Variants in NEO1 observed in about 807,000 individuals in gnomAD.
The protein encoded by NEO1 is neogenin.
A neutral mutation model predicts 159.7 loss-of-function variants in NEO1; 63 were observed. That is an observed-to-expected ratio of 0.39 (90% CI 0.32 to 0.49). NEO1 has a LOEUF of 0.49. NEO1 is among the 20% of genes least tolerant of loss of function. The probability of loss-of-function intolerance (pLI) is 0.85; values close to 1 mark genes in which losing one functional copy is unlikely to be tolerated. For missense variants in NEO1, 1,615 were observed against 1,831.0 expected (o/e 0.88, Z 2.15); for synonymous variants, 633 against 662.0 (o/e 0.96, Z 0.67).
chr15:73,108,631 A>T (rs975561478), intron 1 of NEO1, among the ~76,000 whole-genome samples: 13 of 152,208 alleles, frequency 8.5e-5, no homozygotes, highest in African/African-American at 3.1e-4. Flanking sequence ...TAGCCTGCTC[A>T]TGGGAAGATA....
At chr15:73,072,073 C>G (rs2068563164) in intron 1 of NEO1, among the ~76,000 whole-genome samples, 1 of 152,110 alleles carries the variant, frequency 6.6e-6, no homozygotes, top group South Asian at 2.1e-4. Flanking sequence ...GCCTCAGCCT[C>G]CTGAGTAGTT....
At chr15:73,289,037 A>T in intron 24 of NEO1, 109 bp from the exon 25 acceptor site, 1 of 777,848 alleles carries the variant, frequency 1.3e-6, no homozygotes, top group South Asian at 1.5e-5. Context: ...TCTTGTCCCC[A>T]TTATGCTGTT....
chr15:73,148,777 G>A (rs1158564529), intron 5 of NEO1, among the ~76,000 whole-genome samples: 1 of 151,224 alleles, frequency 6.6e-6, no homozygotes, highest in African/African-American at 2.4e-5. Context: ...CTATTGTAAT[G>A]ATAACCAAGA....
chr15:73,130,704 T>C (rs117841056), intron 4 of NEO1, among the ~76,000 whole-genome samples: 3,772 of 152,250 alleles, frequency 0.025, 78 homozygotes, highest in Non-Finnish European at 0.039. Context: ...GCCCCTCCCA[T>C]GTAAGTAGAG....
chr15:73,053,034 G>T (rs2067532352), intron 1 of NEO1, among the ~76,000 whole-genome samples: 1 of 152,008 alleles, frequency 6.6e-6, no homozygotes, highest in East Asian at 2.0e-4. Context: ...GGGCGCAGGG[G>T]TCTAGTTCCC....
At position 73,052,589 on chromosome 15, in the gene NEO1, G is replaced by A; in HGVS notation, c.-87G>A. On this transcript the variant is annotated 5_prime_UTR_variant, in exon 1 of 29. Transcript: ENST00000261908. ...CGGCCGCGGGAGCCGAGCTTGCAGC[G>A]AGGGACCGGCTGAGGCGCGCGGGAG... 1.2e-6 allele frequency: 1 copy of A among 859,534 alleles called. No individual in the cohort carries two copies. The allele number at this position is 859,534 out of a possible 1,614,324, so 53.2% of individuals were successfully genotyped here. A position where few individuals can be genotyped will look rare whatever the true frequency, so the allele number is the denominator to read the frequency against.
chr15:73,195,302 T>G (rs2036476381), intron 7 of NEO1, among the ~76,000 whole-genome samples: 1 of 152,214 alleles, frequency 6.6e-6, no homozygotes, highest in Non-Finnish European at 1.5e-5. Flanking sequence ...TAAAAGATGC[T>G]AAATTATACA....
At chr15:73,242,694 A>G (rs148624618) in intron 8 of NEO1, among the ~76,000 whole-genome samples, 2 of 152,270 alleles carry the variant, frequency 1.3e-5, no homozygotes, top group East Asian at 3.9e-4. Context: ...AAAAAATCTT[A>G]AGAGAAACTA....
intron 16 of NEO1, 42 bp from the exon 17 acceptor site, chr15:73,269,968 C>T: frequency 6.8e-7 from 1 of 1,465,160 alleles, no homozygotes; most frequent in Non-Finnish European, 9.5e-7. Context: ...TTTTTGTTTA[C>T]ATTAAAATGC....
intron 7 of NEO1, among the ~76,000 whole-genome samples, chr15:73,206,486 G>C (rs943462680): frequency 2.6e-5 from 4 of 152,108 alleles, no homozygotes; most frequent in African/African-American, 9.7e-5. Context: ...TGGGGAAGGA[G>C]GTTTAAGGTT....
Position 73,238,913 on chromosome 15 carries a change from A to G in NEO1, c.1451+2407A>G, listed in dbSNP as rs142825868. The stretch of plus-strand genomic sequence containing the variant: ...ACCCAGGCTGGAGTGCAGTGGCACT[A>G]TATTGGCTCACTGCAGCCTCCGCTT... On this transcript the variant is annotated intron_variant, in intron 8 of 28. Transcript: ENST00000261908. 2.5e-3 allele frequency among the ~76,000 whole-genome samples: 376 copies of G among 152,264 alleles called. 4 individuals carry two copies. Among genetic ancestry groups the G allele is most frequent in the African/African-American group, 8.6e-3 (359 of 41,548 alleles).
chr15:73,070,384 T>C (rs913109651), intron 1 of NEO1, among the ~76,000 whole-genome samples: 1 of 152,212 alleles, frequency 6.6e-6, no homozygotes, highest in African/African-American at 2.4e-5. Context: ...TTTAATTACA[T>C]GAAACAAATG....
At chr15:73,183,081 T>C (rs2151976554) in intron 7 of NEO1, among the ~76,000 whole-genome samples, 1 of 152,300 alleles carries the variant, frequency 6.6e-6, no homozygotes, top group Admixed American at 6.5e-5. Flanking sequence ...TTACACTTTC[T>C]TGCAAACACT....
intron 7 of NEO1, among the ~76,000 whole-genome samples, chr15:73,225,348 C>T (rs1028153171): frequency 2.6e-5 from 4 of 151,944 alleles, no homozygotes; most frequent in East Asian, 1.9e-4. Flanking sequence ...ACCAGAGGTG[C>T]GCGGGGTCCT....
At chr15:73,239,843 G>GT (rs957313607) in intron 8 of NEO1, among the ~76,000 whole-genome samples, 5 of 152,092 alleles carry the variant, frequency 3.3e-5, no homozygotes, top group African/African-American at 9.7e-5. Context: ...GGTGGCAGCA[G>GT]TTTTTTTTAA....
At chr15:73,235,907 C>T (rs1347480886) in intron 7 of NEO1, among the ~76,000 whole-genome samples, 2 of 152,196 alleles carry the variant, frequency 1.3e-5, no homozygotes, top group Non-Finnish European at 2.9e-5. Context: ...TTGTCATTTG[C>T]AAGACTTTTA....
chr15:73,148,543 C>A (rs968008302), intron 5 of NEO1, among the ~76,000 whole-genome samples: 1 of 152,176 alleles, frequency 6.6e-6, no homozygotes, highest in Non-Finnish European at 1.5e-5. Context: ...CCTATTTCTA[C>A]CCCTAACTGT....
intron 7 of NEO1, among the ~76,000 whole-genome samples, chr15:73,207,560 C>G (rs2037310825): frequency 6.6e-6 from 1 of 152,202 alleles, no homozygotes; most frequent in Non-Finnish European, 1.5e-5. Context: ...AAACTCTTAA[C>G]TTTTAATTTA....
At chr15:73,262,254 T>G (rs966262165) in intron 15 of NEO1, among the ~76,000 whole-genome samples, 2 of 152,154 alleles carry the variant, frequency 1.3e-5, no homozygotes, top group Non-Finnish European at 2.9e-5. Context: ...ATTTAAAAAT[T>G]GATAAATTGG....
Sources: gnomAD v4.1 joint callset for allele counts (sites outside exome capture counted in the v4.1 genomes callset) on GRCh38, gnomAD v4.1.1 for gene constraint, MANE v1.5 for transcripts, NCBI Gene and HGNC (gene_info 2026-07-23, HGNC 2026-07-21) for gene names.